TGFBRAP1: variants seen among roughly 807,000 people sequenced by gnomAD.
The protein encoded by TGFBRAP1 is transforming growth factor beta receptor associated protein 1, also known as transforming growth factor-beta receptor-associated protein 1.
TGFBRAP1 carries 20 observed loss-of-function variants against 83.2 expected under a neutral mutation model. The ratio of observed to expected loss-of-function variants is 0.24; its 90% CI spans 0.17 to 0.35. TGFBRAP1 has a LOEUF of 0.35. TGFBRAP1 is among the 10% of genes least tolerant of loss of function. The pLI is 1.00. For synonymous variants in TGFBRAP1, 415 were observed against 459.8 expected (o/e 0.90, Z 1.25); for missense variants, 950 against 1,099.4 (o/e 0.86, Z 1.92).
At position 105,327,769 on chromosome 2, in the gene TGFBRAP1, T is replaced by G. The variant is rs1679265246; in HGVS notation, c.-18+1856A>C. 3.3e-5 allele frequency among the ~76,000 whole-genome samples: 5 copies of G among 152,224 alleles called. No individual in the cohort carries two copies. The South Asian group carries it at 8.3e-4, about 25-fold the overall frequency. On this transcript the variant is annotated intron_variant, in intron 1 of 11. Transcript: ENST00000393359. ...GATTCCTGCAGTGGTGAAAACGCTC[T>G]GCCTCCAATGCTATGACAAGAGGAC...
chr2:105,316,420 A>AGT (rs71393002), intron 1 of TGFBRAP1, among the ~76,000 whole-genome samples: 6,809 of 108,910 alleles, frequency 0.063, 244 homozygotes, highest in Non-Finnish European at 0.064. Context: ...AGGTATAGGG[A>AGT]GTGTGTGTGT....
chr2:105,314,949 CAA>C (rs34579505), intron 1 of TGFBRAP1, among the ~76,000 whole-genome samples: 16 of 88,796 alleles, frequency 1.8e-4, no homozygotes, highest in African/African-American at 2.7e-4. Flanking sequence ...GACTCTGTCT[CAA>C]AAAAAAAAAA....
chr2:105,324,106 C>T (rs528080711), intron 1 of TGFBRAP1: 82 of 152,082 alleles, frequency 5.4e-4, no homozygotes, highest in African/African-American at 1.8e-3. Context: ...GATCCTGGAA[C>T]AGAAAAAAGA....
intron 5 of TGFBRAP1, among the ~76,000 whole-genome samples, chr2:105,282,579 C>CT (rs2104340650): frequency 6.6e-6 from 1 of 152,266 alleles, no homozygotes; most frequent in East Asian, 1.9e-4. Context: ...GATCTCACCA[C>CT]TTTGGGAGGC....
intron 8 of TGFBRAP1, among the ~76,000 whole-genome samples, chr2:105,274,361 C>T (rs1464621112): frequency 6.6e-6 from 1 of 152,198 alleles, no homozygotes; most frequent in Non-Finnish European, 1.5e-5. Context: ...CTATCATGTG[C>T]ACGCACACAC....
At chr2:105,273,815 T>C (rs1173151546) in intron 8 of TGFBRAP1, 125 bp from the exon 9 acceptor site, 5 of 1,196,204 alleles carry the variant, frequency 4.2e-6, no homozygotes, top group Admixed American at 2.8e-5. Context: ...TAAATTATTA[T>C]GTATGCACAG....
intron 1 of TGFBRAP1, among the ~76,000 whole-genome samples, chr2:105,320,907 T>TTA (rs1371398100): frequency 6.6e-6 from 1 of 152,160 alleles, no homozygotes; most frequent in Non-Finnish European, 1.5e-5. Flanking sequence ...TGGGATCGAA[T>TTA]TTAACAACGT....
intron 7 of TGFBRAP1, among the ~76,000 whole-genome samples, chr2:105,276,190 C>T (rs1439766841): frequency 6.6e-6 from 1 of 152,112 alleles, no homozygotes; most frequent in Non-Finnish European, 1.5e-5. Context: ...TGATTCTGTC[C>T]CCTGAGTTCA....
the TGFBRAP1 span, among the ~76,000 whole-genome samples, chr2:105,257,520 C>T: frequency 2.2e-4 from 34 of 152,106 alleles, no homozygotes; most frequent in African/African-American, 8.2e-4. Flanking sequence ...AGTATGTGTC[C>T]TTTTGTGACT....
At chr2:105,296,858 A>T (rs1678108961) in intron 3 of TGFBRAP1, among the ~76,000 whole-genome samples, 1 of 147,126 alleles carries the variant, frequency 6.8e-6, no homozygotes, top group Non-Finnish European at 1.5e-5. Context: ...TGCAGAGTTC[A>T]ATCAGGGAAC....
Position 105,267,559 on chromosome 2 carries a change from T to C in TGFBRAP1, c.2407A>G (p.Met803Val), listed in dbSNP as rs962127988. ...SENLIYTYDKMKLKGSSIQLS... is the reference protein window; with the variant it reads ...SENLIYTYDKVKLKGSSIQLS... ...TGGATTGAGCTTCCTTTCAACTTCA[T>C]CTGCAAGAAGAAACCAAGACTGAGA... The change falls in exon 12 of 12, where the codon ATG becomes GTG. Residue 803 changes from methionine to valine, a missense_variant and splice_region_variant. Coordinates refer to ENST00000393359, the MANE Select transcript of TGFBRAP1 (RefSeq NM_004257.6). 9 of 1,614,080 alleles carry C rather than the reference T, an allele frequency of 5.6e-6. No individual in the cohort carries two copies. The Admixed American group carries it at 1.0e-4, about 18-fold the overall frequency.
intron 4 of TGFBRAP1, among the ~76,000 whole-genome samples, chr2:105,290,777 G>A (rs190086923): frequency 7.9e-5 from 12 of 152,122 alleles, no homozygotes; most frequent in East Asian, 1.9e-4. Flanking sequence ...GGCCAGGATC[G>A]GCAGATCACC....
Position 105,280,429 on chromosome 2 carries a change from G to A in TGFBRAP1, c.1416C>T (p.Asn472=). 1 of 1,614,212 alleles carries A rather than the reference G, an allele frequency of 6.2e-7. No homozygotes were observed. The highest frequency in any genetic ancestry group is 8.5e-7 in the Non-Finnish European group (1 of 1,180,036). The change falls in exon 6 of 12, where the codon AAC becomes AAT. Residue 472 remains asparagine, a synonymous_variant. Coordinates refer to ENST00000393359, the MANE Select transcript of TGFBRAP1 (RefSeq NM_004257.6). ...DSLLDLLVTE[N]FCLLTDSAAW... is the part of the protein sequence containing the mutation. Reference sequence around the variant, plus strand: ...CAGCACTGTCCGTCAGAAGACAGAAGTTCTCAGTGACCAGGAGGTCCAGCA... The same window carrying A: ...CAGCACTGTCCGTCAGAAGACAGAAATTCTCAGTGACCAGGAGGTCCAGCA...
At chr2:105,301,946 T>C (rs1431087109) in intron 2 of TGFBRAP1, among the ~76,000 whole-genome samples, 1 of 129,218 alleles carries the variant, frequency 7.7e-6, no homozygotes, top group Non-Finnish European at 1.6e-5. Flanking sequence ...CGGTAAAATA[T>C]GGAAACAAAT....
chr2:105,265,007 T>A lies in TGFBRAP1; in HGVS notation c.*2376A>T, dbSNP rs1676873174. The A allele has an allele frequency of 6.6e-6, 1 of 152,198 alleles. No homozygotes were observed. The highest frequency in any genetic ancestry group is 6.5e-5 in the Admixed American group (1 of 15,280). 9.4% of individuals were successfully genotyped at this position (152,198 alleles called of 1,614,324 possible). On this transcript the variant is annotated 3_prime_UTR_variant, in exon 12 of 12. Transcript: ENST00000393359. ...GGCCTTGTAGGAGTGAGAGAAAGGT[T>A]AGAGAAAAGTACAGTTTTAACATAT...
intron 1 of TGFBRAP1, among the ~76,000 whole-genome samples, chr2:105,317,415 G>A (rs1468448445): frequency 4.8e-5 from 7 of 146,992 alleles, no homozygotes; most frequent in East Asian, 2.0e-4. Context: ...CCAGCCTGGC[G>A]ACAGAGTGAG....
intron 1 of TGFBRAP1, among the ~76,000 whole-genome samples, chr2:105,323,956 G>C (rs1679145685): frequency 6.6e-6 from 1 of 152,204 alleles, no homozygotes; most frequent in South Asian, 2.1e-4. Flanking sequence ...CAAACTGAGG[G>C]ATGGTCTACA....
intron 1 of TGFBRAP1, among the ~76,000 whole-genome samples, chr2:105,322,060 G>C (rs1314678677): frequency 6.6e-6 from 1 of 152,128 alleles, no homozygotes; most frequent in Non-Finnish European, 1.5e-5. Context: ...TGCCCCCGAA[G>C]ACCTTCCAGT....
At chr2:105,295,622 C>A (rs907422480) in intron 4 of TGFBRAP1, among the ~76,000 whole-genome samples, 3 of 151,876 alleles carry the variant, frequency 2.0e-5, no homozygotes, top group African/African-American at 7.3e-5. Context: ...ACCATCCTGG[C>A]CAACATGGTG....
Sources: allele counts gnomAD v4.1 joint callset (sites outside exome capture counted in the v4.1 genomes callset), GRCh38; gene constraint gnomAD v4.1.1; transcripts MANE v1.5; gene names NCBI Gene and HGNC (gene_info 2026-07-23, HGNC 2026-07-21).